ACCSL: variants seen among roughly 807,000 people sequenced by gnomAD.
ACCSL encodes probable inactive 1-aminocyclopropane-1-carboxylate synthase-like protein 2.
A neutral mutation model predicts 61.7 loss-of-function variants in ACCSL; 55 were observed. That is an observed-to-expected ratio of 0.89 (90% CI 0.72 to 1.12). The LOEUF is 1.12. ACCSL is among the 50% of genes most tolerant of loss of function. The pLI, the probability that ACCSL is intolerant of heterozygous loss-of-function variation, is 0.00. For missense variants in ACCSL, 632 were observed against 698.0 expected, an observed-to-expected ratio of 0.91 and a Z score of 1.07; for synonymous variants, 258 against 264.3, an observed-to-expected ratio of 0.98 and a Z score of 0.23.
At chr11:43,926,739 T>G in the ACCSL span, among the ~76,000 whole-genome samples, 2 of 152,242 alleles carry the variant, frequency 1.3e-5, no homozygotes, top group African/African-American at 2.4e-5. Context: ...ACATGGCAAC[T>G]CTTTACATTG....
chr11:43,986,394 T>C, the ACCSL span, among the ~76,000 whole-genome samples: 8 of 148,214 alleles, frequency 5.4e-5, no homozygotes, highest in African/African-American at 2.0e-4. Flanking sequence ...AACCCTTCTC[T>C]GGCTTGGCAC....
At chr11:44,030,817 T>G in the ACCSL span, among the ~76,000 whole-genome samples, 2 of 152,260 alleles carry the variant, frequency 1.3e-5, no homozygotes, top group East Asian at 3.9e-4. Context: ...GTCTGGAGGC[T>G]GGGGTGGGAG....
the ACCSL span, among the ~76,000 whole-genome samples, chr11:43,949,252 C>G: frequency 4.0e-3 from 610 of 152,288 alleles, 3 homozygotes; most frequent in Non-Finnish European, 5.5e-3. Context: ...CTTCTTGGCA[C>G]AGGGGAGGGT....
upstream of ACCSL, among the ~76,000 whole-genome samples, chr11:44,046,334 T>C (rs1208119709): frequency 6.6e-6 from 1 of 152,256 alleles, no homozygotes; most frequent in African/African-American, 2.4e-5. Flanking sequence ...TGGCTTTCTC[T>C]GTCTATTGCT....
At chr11:44,009,365 C>A in the ACCSL span, among the ~76,000 whole-genome samples, 3 of 152,148 alleles carry the variant, frequency 2.0e-5, no homozygotes, top group Non-Finnish European at 4.4e-5. Flanking sequence ...CAGGTCAGTT[C>A]CTTGGGCCTA....
At chr11:44,051,055 T>A (rs1013816186) in intron 3 of ACCSL, among the ~76,000 whole-genome samples, 11 of 152,098 alleles carry the variant, frequency 7.2e-5, no homozygotes, top group African/African-American at 1.2e-4. Context: ...GTTTGCCAGC[T>A]TGGTCTTGAT....
chr11:44,032,656 G>C, the ACCSL span, among the ~76,000 whole-genome samples: 1 of 152,304 alleles, frequency 6.6e-6, no homozygotes, highest in Non-Finnish European at 1.5e-5. Flanking sequence ...TGGGGAGCGG[G>C]CGGATACGTG....
At chr11:44,053,631 G>GA in intron 8 of ACCSL, 125 bp downstream of exon 8, 1 of 825,278 alleles carries the variant, frequency 1.2e-6, no homozygotes. Context: ...GGGAGGCCGA[G>GA]AAGGTGGATC....
the ACCSL span, among the ~76,000 whole-genome samples, chr11:43,935,866 A>G: frequency 1.3e-5 from 2 of 152,134 alleles, no homozygotes; most frequent in East Asian, 3.9e-4. Context: ...ACTGTCCTAC[A>G]TCCCTTTTAA....
chr11:43,976,499 A>G, the ACCSL span, among the ~76,000 whole-genome samples: 1 of 152,248 alleles, frequency 6.6e-6, no homozygotes, highest in South Asian at 2.1e-4. Flanking sequence ...GAGAGCTGGT[A>G]TAACAAACAG....
chr11:44,058,648 C>T lies in ACCSL; in HGVS notation c.1573C>T (p.Pro525Ser). The T allele has an allele frequency of 6.2e-7, 1 of 1,614,068 alleles. No individual in the cohort carries two copies. Among genetic ancestry groups the T allele is most frequent in the Non-Finnish European group, 8.5e-7 (1 of 1,179,976 alleles). The change falls in exon 13 of 14, where the codon CCA becomes TCA. Residue 525 changes from proline (P) to serine (S), a missense_variant. Physicochemically the swap from Pro to Ser is moderately conservative, Grantham distance 74. Coordinates refer to ENST00000378832, the MANE Select transcript of ACCSL (RefSeq NM_001031854.2). ...SRGKTYMCKEPGWFCLIFADE... is the reference protein window; with the variant it reads ...SRGKTYMCKESGWFCLIFADE... Reference sequence around the variant, plus strand: ...TGGCAAAACCTACATGTGTAAGGAGCCAGGCTGGTTCTGCCTCATCTTTGC... The same window carrying T: ...TGGCAAAACCTACATGTGTAAGGAGTCAGGCTGGTTCTGCCTCATCTTTGC...
the ACCSL span, among the ~76,000 whole-genome samples, chr11:44,001,534 G>A: frequency 1.3e-5 from 2 of 152,096 alleles, no homozygotes; most frequent in Non-Finnish European, 2.9e-5. Context: ...GGAGTCAGGT[G>A]CCTCCTCTGC....
At chr11:44,027,877 G>A in the ACCSL span, among the ~76,000 whole-genome samples, 9 of 152,134 alleles carry the variant, frequency 5.9e-5, no homozygotes, top group East Asian at 1.9e-4. Flanking sequence ...TGAGTCAATC[G>A]ATCTAAGCTG....
At chr11:43,961,823 T>C in the ACCSL span, among the ~76,000 whole-genome samples, 4 of 152,128 alleles carry the variant, frequency 2.6e-5, no homozygotes, top group Non-Finnish European at 5.9e-5. Context: ...ACAGGAAATA[T>C]CCTCTCCATA....
the ACCSL span, among the ~76,000 whole-genome samples, chr11:43,964,530 T>C: frequency 6.6e-6 from 1 of 151,972 alleles, no homozygotes; most frequent in East Asian, 1.9e-4. Context: ...CCAAACATTT[T>C]AAGAAGAATT....
chr11:43,948,830 G>A, the ACCSL span, among the ~76,000 whole-genome samples: 1 of 152,176 alleles, frequency 6.6e-6, no homozygotes, highest in African/African-American at 2.4e-5. Context: ...TACAGGGAGT[G>A]TAACTGACCA....
chr11:44,032,400 A>G, the ACCSL span, among the ~76,000 whole-genome samples: 1 of 152,280 alleles, frequency 6.6e-6, no homozygotes, highest in East Asian at 1.9e-4. Flanking sequence ...GGCCAAATCC[A>G]GAGTCCATGT....
At chr11:44,018,083 C>T in the ACCSL span, among the ~76,000 whole-genome samples, 31 of 152,288 alleles carry the variant, frequency 2.0e-4, no homozygotes, top group African/African-American at 7.2e-4. Context: ...TTCTTTTCCT[C>T]ACCCATCAGG....
chr11:44,016,537 A>G, the ACCSL span, among the ~76,000 whole-genome samples: 1 of 152,064 alleles, frequency 6.6e-6, no homozygotes, highest in South Asian at 2.1e-4. Context: ...TATCTTGATC[A>G]CTCAAAAATA....
Sources: allele counts gnomAD v4.1 joint callset (sites outside exome capture counted in the v4.1 genomes callset), GRCh38; gene constraint gnomAD v4.1.1; transcripts MANE v1.5; gene names NCBI Gene and HGNC (gene_info 2026-07-23, HGNC 2026-07-21).